Variants in WWP1 observed in about 807,000 individuals in gnomAD.
The protein encoded by WWP1 is WW domain containing E3 ubiquitin protein ligase 1.
A neutral mutation model predicts 130.6 loss-of-function variants in WWP1; 49 were observed. The observed-to-expected ratio is 0.38, with a 90% confidence interval of 0.30 to 0.48. WWP1 has a LOEUF of 0.48. Among genes scored for constraint, WWP1 ranks in the 20% least tolerant of loss-of-function variants. WWP1 has a pLI of 0.99. For missense variants in WWP1, 809 were observed against 1,100.6 expected, an observed-to-expected ratio of 0.74 and a Z score of 3.75; for synonymous variants, 332 against 367.8, an observed-to-expected ratio of 0.90 and a Z score of 1.11.
Position 86,427,804 on chromosome 8 carries a change from G to A in WWP1, c.1319G>A (p.Arg440Gln), listed in dbSNP as rs1457591395. 2.5e-6 allele frequency: 4 copies of A among 1,611,034 alleles called. No individual in the cohort carries two copies. The highest frequency in any genetic ancestry group is 1.3e-5 in the African/African-American group (1 of 74,714). Residue 440 changes from arginine to glutamine, a missense_variant, in exon 11 of 25, where the codon CGA (arginine) becomes CAA (glutamine). Around this residue, in one of 3 missense-constraint regions of WWP1, gnomAD observed 450 missense variants for 674.2 expected, o/e 0.67. Coordinates refer to ENST00000517970, the MANE Select transcript of WWP1 (RefSeq NM_007013.4). ...GGAGCTATGCAACAGTTTAACCAAC[G>A]ATACCTCTATTCGGTAATTAGCAAA... ...LQGAMQQFNQ[R>Q]YLYSASMLAA...
At chr8:86,463,431 C>T (rs1384542987) in intron 24 of WWP1, among the ~76,000 whole-genome samples, 2 of 151,934 alleles carry the variant, frequency 1.3e-5, no homozygotes, top group Admixed American at 6.6e-5. Flanking sequence ...CTCAGCCTCT[C>T]GGGTAGCTGG....
intron 9 of WWP1, among the ~76,000 whole-genome samples, chr8:86,413,961 A>G (rs1808728928): frequency 6.6e-6 from 1 of 152,200 alleles, no homozygotes; most frequent in South Asian, 2.1e-4. Flanking sequence ...CCGGCATTCC[A>G]GTTCAAAACA....
intron 2 of WWP1, among the ~76,000 whole-genome samples, chr8:86,372,178 C>T (rs1348901815): frequency 6.6e-6 from 1 of 151,600 alleles, no homozygotes; most frequent in Non-Finnish European, 1.5e-5. Flanking sequence ...CGCGCGCCAC[C>T]ATGCCCGGCT....
chr8:86,425,739 A>T (rs1809586086), intron 10 of WWP1, among the ~76,000 whole-genome samples: 1 of 152,226 alleles, frequency 6.6e-6, no homozygotes, highest in Admixed American at 6.5e-5. Context: ...TGATCTACAA[A>T]GATTGCCATG....
At chr8:86,375,393 T>G (rs943688567) in intron 3 of WWP1, among the ~76,000 whole-genome samples, 6 of 152,150 alleles carry the variant, frequency 3.9e-5, no homozygotes, top group African/African-American at 1.4e-4. Flanking sequence ...TCTGGCTACT[T>G]GGTCCCATTT....
intron 1 of WWP1, among the ~76,000 whole-genome samples, chr8:86,362,379 G>A (rs182014607): frequency 6.6e-6 from 1 of 151,192 alleles, no homozygotes. Flanking sequence ...TTGAGTGATT[G>A]AATTGTAGTC....
At chr8:86,461,712 C>A in intron 23 of WWP1, 62 bp from the exon 24 acceptor site, 3 of 1,242,186 alleles carry the variant, frequency 2.4e-6, no homozygotes, top group Non-Finnish European at 2.4e-6. Context: ...ATTATTTAAG[C>A]AGTTGTCAGA....
At chr8:86,381,365 A>G (rs1824975653) in intron 4 of WWP1, 140 bp from the exon 5 acceptor site, 1 of 1,063,854 alleles carries the variant, frequency 9.4e-7, no homozygotes, top group South Asian at 1.7e-5. Context: ...TTCCTGTTTC[A>G]TACAATATTT....
chr8:86,395,707 G>A (rs1807624852), intron 5 of WWP1, among the ~76,000 whole-genome samples: 1 of 152,176 alleles, frequency 6.6e-6, no homozygotes, highest in African/African-American at 2.4e-5. Flanking sequence ...AAAAGCAGCT[G>A]TAGAGAAAAA....
At chr8:86,379,230 T>C (rs927209127) in intron 3 of WWP1, among the ~76,000 whole-genome samples, 6 of 152,166 alleles carry the variant, frequency 3.9e-5, no homozygotes, top group African/African-American at 1.4e-4. Context: ...TAGAGCAGTT[T>C]GGAACGATGA....
At chr8:86,369,956 G>GCAAGT (rs1824191722) in intron 2 of WWP1, among the ~76,000 whole-genome samples, 1 of 151,744 alleles carries the variant, frequency 6.6e-6, no homozygotes, top group South Asian at 2.1e-4. Context: ...TGTAACATAT[G>GCAAGT]CAAGTCAATA....
intron 1 of WWP1, among the ~76,000 whole-genome samples, chr8:86,364,151 A>G (rs1050367355): frequency 2.0e-5 from 3 of 152,204 alleles, no homozygotes; most frequent in Non-Finnish European, 4.4e-5. Context: ...ATGAGAATGA[A>G]AAGAGAATTG....
chr8:86,461,194 C>T, intron 22 of WWP1, 30 bp from the exon 23 acceptor site: 5 of 1,540,930 alleles, frequency 3.2e-6, no homozygotes, highest in Non-Finnish European at 4.5e-6. Context: ...TTTAGCATTT[C>T]ATATTAAAGT....
chr8:86,390,675 GA>G (rs1470179073), intron 5 of WWP1, among the ~76,000 whole-genome samples: 5 of 150,286 alleles, frequency 3.3e-5, no homozygotes. Context: ...GCATCAGAGG[GA>G]GACCGTGGAA....
At chr8:86,456,905 C>T (rs981657865) in intron 21 of WWP1, among the ~76,000 whole-genome samples, 6 of 151,806 alleles carry the variant, frequency 4.0e-5, no homozygotes, top group African/African-American at 1.2e-4. Flanking sequence ...ATATATATGA[C>T]ATTCTTAAAA....
rs1010777389 is a variant in WWP1, at chr8:86,411,586, C to T, written c.773C>T (p.Thr258Met). The T allele has an allele frequency of 6.2e-6, 10 of 1,613,884 alleles. No individual in the cohort carries two copies. The highest frequency in any genetic ancestry group is 2.2e-5 in the East Asian group (1 of 44,890). ...SFAPTDNASV[T>M]GTPVVSEENA... ...GCACCAACTGATAATGCGTCTGTCA[C>T]GGGTACTCCAGTAGTGTCTGAAGAA... Residue 258 changes from threonine to methionine, a missense_variant, in exon 9 of 25, where the codon ACG (threonine) becomes ATG (methionine). Thr to Met is a moderately conservative substitution (Grantham distance 81). This residue lies in a region of WWP1 where 262 missense variants were observed against 346.0 expected (regional missense o/e 0.76). Transcript: ENST00000517970.
intron 4 of WWP1, 27 bp downstream of exon 4, chr8:86,380,891 A>C (rs768514303): frequency 6.4e-7 from 1 of 1,552,924 alleles, no homozygotes; most frequent in Admixed American, 2.1e-5. Flanking sequence ...AAGGACGGAA[A>C]ATCTTCACAA....
intron 9 of WWP1, among the ~76,000 whole-genome samples, chr8:86,419,291 G>A (rs1333432577): frequency 6.6e-6 from 1 of 152,072 alleles, no homozygotes; most frequent in South Asian, 2.1e-4. Context: ...GGTGGCACGC[G>A]CCTGTAGTCC....
intron 12 of WWP1, 43 bp from the exon 13 acceptor site, chr8:86,431,363 A>G: frequency 9.4e-7 from 1 of 1,066,234 alleles, no homozygotes; most frequent in Non-Finnish European, 1.3e-6. Flanking sequence ...TTATATATAG[A>G]TCCTAAATAG....
Sources: gnomAD v4.1 joint callset for allele counts (sites outside exome capture counted in the v4.1 genomes callset) on GRCh38, gnomAD v4.1.1 for gene constraint, gnomAD v4.1.1 regional missense constraint, MANE v1.5 for transcripts, NCBI Gene and HGNC (gene_info 2026-07-23, HGNC 2026-07-21) for gene names.